MTUS2: variants seen among roughly 807,000 people sequenced by gnomAD.
The protein encoded by MTUS2 is microtubule-associated tumor suppressor candidate 2.
Under a neutral mutation model 114.1 loss-of-function variants are expected in MTUS2, and 40 were observed. The observed-to-expected ratio is 0.35, with a 90% CI of 0.27 to 0.46. The LOEUF is 0.46. Among genes scored for constraint, MTUS2 ranks in the 20% least tolerant of loss-of-function variants. The pLI is 1.00. For synonymous variants in MTUS2, 688 were observed against 672.0 expected (o/e 1.02, Z -0.37); for missense variants, 1,679 against 1,705.4 (o/e 0.98, Z 0.27).
intron 2 of MTUS2, among the ~76,000 whole-genome samples, chr13:28,977,320 G>C (rs761675903): frequency 7.9e-5 from 12 of 152,136 alleles, no homozygotes; most frequent in Non-Finnish European, 1.6e-4. Flanking sequence ...CCAATTTTAA[G>C]AGAGTAGGAA....
At chr13:29,004,089 A>G (rs758673145) in intron 2 of MTUS2, among the ~76,000 whole-genome samples, 50 of 152,220 alleles carry the variant, frequency 3.3e-4, no homozygotes, top group Non-Finnish European at 5.9e-4. Context: ...ACCCAAAAGT[A>G]GGAAGTTGGT....
chr13:29,168,744 C>A (rs1372788220), intron 5 of MTUS2, among the ~76,000 whole-genome samples: 1 of 152,122 alleles, frequency 6.6e-6, no homozygotes, highest in Non-Finnish European at 1.5e-5. Context: ...CCACCCGAAG[C>A]CCTTAGTACC....
At chr13:29,000,184 A>G (rs528441700) in intron 2 of MTUS2, among the ~76,000 whole-genome samples, 48 of 152,290 alleles carry the variant, frequency 3.2e-4, no homozygotes, top group African/African-American at 1.1e-3. Context: ...TAGTTTTTTG[A>G]GAAATCTCCA....
At chr13:29,322,435 C>A (rs1900292877) in intron 6 of MTUS2, among the ~76,000 whole-genome samples, 1 of 152,122 alleles carries the variant, frequency 6.6e-6, no homozygotes, top group African/African-American at 2.4e-5. Flanking sequence ...CTTCTGTGAG[C>A]CCTGAAATGC....
chr13:29,443,297 A>G (rs946132953), intron 9 of MTUS2, among the ~76,000 whole-genome samples: 1 of 152,178 alleles, frequency 6.6e-6, no homozygotes, highest in Admixed American at 6.5e-5. Flanking sequence ...TGCACTCCCC[A>G]TGGGCAAGCT....
chr13:29,018,172 C>T (rs1886145231), intron 2 of MTUS2, among the ~76,000 whole-genome samples: 1 of 152,122 alleles, frequency 6.6e-6, no homozygotes, highest in South Asian at 2.1e-4. Flanking sequence ...GATGATTTTA[C>T]AGGGCAAATG....
At position 29,024,571 on chromosome 13, in the gene MTUS2, C is replaced by G. The variant is rs1027400444; in HGVS notation, c.-128C>G. 8.9e-7 allele frequency: 1 copy of G among 1,125,470 alleles called. No individual in the cohort carries two copies. The highest frequency in any genetic ancestry group is 1.3e-6 in the Non-Finnish European group (1 of 782,176). 69.7% of individuals were successfully genotyped at this position (1,125,470 alleles called of 1,614,324 possible). A position where few individuals can be genotyped will look rare whatever the true frequency, so the allele number is the denominator to read the frequency against. On this transcript the variant is annotated 5_prime_UTR_variant, in exon 3 of 16. Transcript: ENST00000612955. ...GTTCTGAGAATGATTAAAGCAGTGT[C>G]GCAAGGTGACATTGTCAGGGGAGAA...
rs145151055 is a variant in MTUS2, at chr13:29,464,707, C to T, written c.3185-15443C>T. Among the ~76,000 whole-genome samples, 1,358 of 152,262 alleles carry T rather than the reference C, an allele frequency of 8.9e-3. 16 individuals are homozygous for T. Among genetic ancestry groups the T allele is most frequent in the Middle Eastern group, 0.02 (6 of 294 alleles). On this transcript the variant is annotated intron_variant, in intron 9 of 15. Transcript: ENST00000612955. ...AATTCACAACCTGAATTAGCGTCTG[C>T]ATTTTAACAGGATCCTCCGATAATT...
intron 7 of MTUS2, among the ~76,000 whole-genome samples, chr13:29,353,943 G>A (rs945567224): frequency 6.6e-6 from 1 of 152,046 alleles, no homozygotes; most frequent in African/African-American, 2.4e-5. Flanking sequence ...AAAATTTGAG[G>A]TCACTCTTCA....
intron 9 of MTUS2, among the ~76,000 whole-genome samples, chr13:29,472,595 C>CA (rs748975217): frequency 3.3e-5 from 5 of 151,780 alleles, no homozygotes; most frequent in Non-Finnish European, 5.9e-5. Context: ...TCTGTGCCAC[C>CA]AAAAAAGAAA....
At chr13:29,344,712 C>A (rs927608266) in intron 7 of MTUS2, among the ~76,000 whole-genome samples, 3 of 152,004 alleles carry the variant, frequency 2.0e-5, no homozygotes, top group Non-Finnish European at 4.4e-5. Flanking sequence ...TGCCTGAATA[C>A]CTTGTTGTTG....
chr13:29,198,407 C>G (rs1413079059), intron 5 of MTUS2, among the ~76,000 whole-genome samples: 1 of 152,204 alleles, frequency 6.6e-6, no homozygotes, highest in African/African-American at 2.4e-5. Flanking sequence ...TCTGAGGCCT[C>G]TGTTCTGTTC....
intron 11 of MTUS2, among the ~76,000 whole-genome samples, chr13:29,491,177 GGT>G (rs1173944019): frequency 1.4e-5 from 2 of 139,222 alleles, no homozygotes; most frequent in African/African-American, 5.3e-5. Flanking sequence ...TGTGGTGTGT[GGT>G]GTGTGTATGT....
intron 10 of MTUS2, among the ~76,000 whole-genome samples, chr13:29,486,781 G>C (rs150534244): frequency 1.5e-3 from 230 of 152,346 alleles, no homozygotes; most frequent in African/African-American, 5.3e-3. Context: ...GTGTGTGGGT[G>C]TGTGCACTGT....
intron 4 of MTUS2, among the ~76,000 whole-genome samples, chr13:29,075,876 A>ATT (rs1889171322): frequency 6.6e-6 from 1 of 152,206 alleles, no homozygotes; most frequent in Non-Finnish European, 1.5e-5. Context: ...CAAACCTCTA[A>ATT]CAAGTCCTAC....
intron 5 of MTUS2, among the ~76,000 whole-genome samples, chr13:29,265,889 G>GGGGCA (rs1284267299): frequency 6.6e-6 from 1 of 152,250 alleles, no homozygotes; most frequent in East Asian, 1.9e-4. Context: ...GAGATTTGGT[G>GGGGCA]GGGCACACAT....
At chr13:29,104,820 A>T (rs1890586159) in intron 5 of MTUS2, among the ~76,000 whole-genome samples, 1 of 152,218 alleles carries the variant, frequency 6.6e-6, no homozygotes, top group Non-Finnish European at 1.5e-5. Context: ...AATTAAGCGT[A>T]AACTTAACAT....
intron 8 of MTUS2, among the ~76,000 whole-genome samples, chr13:29,361,624 G>A (rs1265543893): frequency 6.6e-6 from 1 of 152,134 alleles, no homozygotes; most frequent in African/African-American, 2.4e-5. Flanking sequence ...GAAAATAGAG[G>A]CAAAGCAGCC....
chr13:29,383,402 T>C (rs1274279515), intron 8 of MTUS2, among the ~76,000 whole-genome samples: 1 of 152,158 alleles, frequency 6.6e-6, no homozygotes, highest in Non-Finnish European at 1.5e-5. Context: ...GTATGGGCAG[T>C]AGCAGGGTGA....
Sources: gnomAD v4.1 joint callset for allele counts (sites outside exome capture counted in the v4.1 genomes callset) on GRCh38, gnomAD v4.1.1 for gene constraint, MANE v1.5 for transcripts, NCBI Gene and HGNC (gene_info 2026-07-23, HGNC 2026-07-21) for gene names.